The following RFX1 variants were observed in gnomAD, a reference collection of about 807,000 sequenced individuals.
RFX1 encodes regulatory factor X1.
A neutral mutation model predicts 119.6 loss-of-function variants in RFX1; 42 were observed. The observed-to-expected ratio is 0.35, with a 90% confidence interval of 0.27 to 0.45. RFX1 has a LOEUF of 0.45. RFX1 is among the 20% of genes least tolerant of loss of function. The pLI is 1.00. For synonymous variants in RFX1, 628 were observed against 618.5 expected (o/e 1.02, Z -0.23); for missense variants, 1,118 against 1,368.1 (o/e 0.82, Z 2.88).
chr19:13,965,543 G>A lies in RFX1; in HGVS notation c.2117C>T (p.Ala706Val). ...IPDVLRPIPS[A>V]LTQAIRNFAK... ...AAAGTTCCGGATCGCTTGGGTCAAG[G>A]CACCTGTGGGCGGTGGCGGGGGTCG... The change falls in exon 16 of 21, where the codon GCC becomes GTC. Residue 706 changes from alanine (A) to valine (V), a missense_variant. Physicochemically the swap from Ala to Val is moderately conservative, Grantham distance 64 (BLOSUM62 0). This residue lies in a region of RFX1 where 338 missense variants were observed against 508.9 expected (regional missense o/e 0.66). Coordinates refer to ENST00000254325, the MANE Select transcript of RFX1 (RefSeq NM_002918.5). The surrounding 1 kb of genome is among the most constrained non-coding windows in gnomAD (Gnocchi z 4.7). 6.2e-7 allele frequency: 1 copy of A among 1,613,582 alleles called. No homozygotes were observed.
In RFX1 at chr19:13,966,578, TC is replaced by T. The variant is rs1197726383; in HGVS notation, c.1852-49del. ...GGGAGGCTGGGGGGCAGCATGGCCCTCCCATGCCCGTGGCTGCGTCCCCGTC... is the reference window on the plus strand; with the variant it reads ...GGGAGGCTGGGGGGCAGCATGGCCCTCCATGCCCGTGGCTGCGTCCCCGTC... On this transcript the variant is annotated intron_variant, in intron 13 of 20. Coordinates refer to ENST00000254325, the MANE Select transcript of RFX1 (RefSeq NM_002918.5). This position sits in a 1 kb window ranked among gnomAD's most constrained non-coding sequence, Gnocchi z 6.3. 4 of 1,519,862 alleles carry T rather than the reference TC, an allele frequency of 2.6e-6. No homozygotes were observed. In the East Asian group the frequency reaches 6.9e-5, roughly 26 times the overall value. The allele number at this position is 1,519,862 out of a possible 1,614,324, so 94.1% of individuals were successfully genotyped here.
At chr19:13,989,207 C>T (rs887910420) in intron 2 of RFX1, among the ~76,000 whole-genome samples, 2 of 151,534 alleles carry the variant, frequency 1.3e-5, no homozygotes, top group Non-Finnish European at 2.9e-5. Context: ...CAGGACTGAG[C>T]CTGGCGGGTT....
intron 8 of RFX1, among the ~76,000 whole-genome samples, chr19:13,974,119 T>C (rs1974178233): frequency 6.6e-6 from 1 of 151,972 alleles, no homozygotes; most frequent in Non-Finnish European, 1.5e-5. Flanking sequence ...CGGAACCGTC[T>C]AGTTGGGGAG....
intron 2 of RFX1, among the ~76,000 whole-genome samples, chr19:13,988,249 A>T (rs1599505324): frequency 1.3e-5 from 2 of 151,440 alleles, no homozygotes; most frequent in Non-Finnish European, 2.9e-5. Flanking sequence ...CTGGTCTTGA[A>T]CTCCTGACCT....
intron 1 of RFX1, among the ~76,000 whole-genome samples, chr19:13,997,668 C>A (rs903745293): frequency 6.6e-6 from 1 of 152,232 alleles, no homozygotes; most frequent in Admixed American, 6.5e-5. Flanking sequence ...TTGCGGCAGG[C>A]TTGGGAGGGA....
rs752842717 is a variant in RFX1 at position 13,979,559 on chromosome 19, A to T, written c.739-17T>A. Reference sequence around the variant, plus strand: ...CACAGATCTCTGGGAGGGGAAAGGCAACAATAAGATGACCATGGCAACGAT... The same window carrying T: ...CACAGATCTCTGGGAGGGGAAAGGCTACAATAAGATGACCATGGCAACGAT... On this transcript the variant is annotated splice_polypyrimidine_tract_variant and intron_variant, in intron 6 of 20. Coordinates refer to ENST00000254325, the MANE Select transcript of RFX1 (RefSeq NM_002918.5). 1.9e-5 allele frequency: 30 copies of T among 1,563,686 alleles called. No individual in the cohort carries two copies. Among genetic ancestry groups the T allele is most frequent in the Non-Finnish European group, 2.4e-5 (28 of 1,149,314 alleles).
Position 13,969,749 on chromosome 19 carries a change from G to A in RFX1, c.1496+245C>T, listed in dbSNP as rs1974015101. On this transcript the variant is annotated intron_variant, in intron 10 of 20. Coordinates refer to ENST00000254325, the MANE Select transcript of RFX1 (RefSeq NM_002918.5). This position sits in a 1 kb window ranked among gnomAD's most constrained non-coding sequence, Gnocchi z 4.5. Reference sequence around the variant, plus strand: ...GGGGGTGTCGGGCAGGGGAGAGGGGGAGGCTGCAGTTTTAGTTGAGGCAGT... The same window carrying A: ...GGGGGTGTCGGGCAGGGGAGAGGGGAAGGCTGCAGTTTTAGTTGAGGCAGT... 1 of 448,454 alleles carries A rather than the reference G, an allele frequency of 2.2e-6. No individual in the cohort carries two copies. Among genetic ancestry groups the A allele is most frequent in the Non-Finnish European group, 3.9e-6 (1 of 253,838 alleles). The allele number at this position is 448,454 out of a possible 1,614,324, so 27.8% of individuals were successfully genotyped here.
chr19:13,969,826 C>A lies in RFX1; in HGVS notation c.1496+168G>T. Reference sequence around the variant, plus strand: ...GAGAAGCACATGAGGTGGAAGGCACCGCCAGTGCAAAGGCCTAGAGTGGGA... The same window carrying A: ...GAGAAGCACATGAGGTGGAAGGCACAGCCAGTGCAAAGGCCTAGAGTGGGA... On this transcript the variant is annotated intron_variant, in intron 10 of 20. Transcript: ENST00000254325. The surrounding 1 kb of genome is among the most constrained non-coding windows in gnomAD (Gnocchi z 4.5). 1 of 591,450 alleles carries A rather than the reference C, an allele frequency of 1.7e-6. No homozygotes were observed. Among genetic ancestry groups the A allele is most frequent in the Non-Finnish European group, 2.9e-6 (1 of 349,242 alleles). The allele number at this position is 591,450 out of a possible 1,614,324, so 36.6% of individuals were successfully genotyped here.
At chr19:14,005,539 T>A (rs1046179778) in intron 1 of RFX1, among the ~76,000 whole-genome samples, 7 of 152,216 alleles carry the variant, frequency 4.6e-5, no homozygotes, top group African/African-American at 1.7e-4. Flanking sequence ...ATGTCAATGA[T>A]TCTCCCCATT....
rs1489866539 is a variant in RFX1 at position 13,962,335 on chromosome 19, C to T, written c.*360G>A. The T allele has an allele frequency of 3.4e-5, 10 of 296,998 alleles. No homozygotes were observed. Among genetic ancestry groups the T allele is most frequent in the Middle Eastern group, 1.0e-3 (1 of 958 alleles). The allele number at this position is 296,998 out of a possible 1,614,324, so 18.4% of individuals were successfully genotyped here. ...AGCGAGCTGAATAAGTTAACAGTTT[C>T]GCACGGGAGGGGGCCTGCCTGCCTG... is the stretch of plus-strand genomic sequence containing the variant. On this transcript the variant is annotated 3_prime_UTR_variant, in exon 21 of 21. Coordinates refer to ENST00000254325, the MANE Select transcript of RFX1 (RefSeq NM_002918.5).
Position 13,963,197 on chromosome 19 carries a change from G to A in RFX1, c.2649C>T (p.Asp883=), listed in dbSNP as rs749285244. The change falls in exon 19 of 21, where the codon GAC becomes GAT. Residue 883 remains aspartate (D), a synonymous_variant. Transcript: ENST00000254325. ...GCTCGATCAGGTAGTACATGTACTC[G>A]TCGTAGAGCAGCCGGATGAGGTGGA... ...GSFHLIRLLY[D]EYMYYLIEHR... is the part of the protein sequence containing the mutation. 16 of 1,612,666 alleles carry A rather than the reference G, an allele frequency of 9.9e-6. No homozygotes were observed. The highest frequency in any genetic ancestry group is 5.3e-5 in the African/African-American group (4 of 74,892).
intron 1 of RFX1, among the ~76,000 whole-genome samples, chr19:13,994,889 CATACATAT>C (rs1974944658): frequency 1.6e-5 from 1 of 64,070 alleles, no homozygotes; most frequent in Non-Finnish European, 2.8e-5. Flanking sequence ...TTGAAATATA[CATACATAT>C]ATATATATAT....
chr19:13,973,401 CA>C (rs1046337885), intron 8 of RFX1, among the ~76,000 whole-genome samples: 17 of 152,196 alleles, frequency 1.1e-4, no homozygotes, highest in African/African-American at 3.9e-4. Flanking sequence ...CGTTGAAGGC[CA>C]GGAGTTCAAG....
Position 13,966,498 on chromosome 19 carries a change from G to A in RFX1, c.1884C>T (p.Phe628=), listed in dbSNP as rs1158032662. 1.3e-6 allele frequency: 2 copies of A among 1,588,252 alleles called. No individual in the cohort carries two copies. Among genetic ancestry groups the A allele is most frequent in the South Asian group, 1.1e-5 (1 of 88,810 alleles). Reference sequence around the variant, plus strand: ...TCTTCCACAGCGTCTCCACCAGGGTGAACTGCAGGTTCACCATGACGTCGA... The same window carrying A: ...TCTTCCACAGCGTCTCCACCAGGGTAAACTGCAGGTTCACCATGACGTCGA... ...AIVDVMVNLQ[F]TLVETLWKTF... The change falls in exon 14 of 21, where the codon TTC becomes TTT. Residue 628 remains phenylalanine, a synonymous_variant. Coordinates refer to ENST00000254325, the MANE Select transcript of RFX1 (RefSeq NM_002918.5). The surrounding 1 kb of genome is among the most constrained non-coding windows in gnomAD (Gnocchi z 6.3).
rs1376689595 is a variant in RFX1, at chr19:13,968,207, T to C, written c.1732+358A>G. Among the ~76,000 whole-genome samples, 3 of 152,074 alleles carry C rather than the reference T, an allele frequency of 2.0e-5. No homozygotes were observed. Among genetic ancestry groups the C allele is most frequent in the Non-Finnish European group, 4.4e-5 (3 of 68,002 alleles). On this transcript the variant is annotated intron_variant, in intron 12 of 20. Transcript: ENST00000254325. This position sits in a 1 kb window ranked among gnomAD's most constrained non-coding sequence, Gnocchi z 5.5. ...AGGCGGAGGTTGCAGTGAGCTAGGATGGTGCCACTGCACTCCAGCCTGGAC... is the reference window on the plus strand; with the variant it reads ...AGGCGGAGGTTGCAGTGAGCTAGGACGGTGCCACTGCACTCCAGCCTGGAC...
rs1339156191 is a variant in RFX1, at chr19:13,968,296, C to T, written c.1732+269G>A. Among the ~76,000 whole-genome samples, 2 of 152,092 alleles carry T rather than the reference C, an allele frequency of 1.3e-5. No homozygotes were observed. The highest frequency in any genetic ancestry group is 4.8e-5 in the African/African-American group (2 of 41,422). ...CAAAAATAAAGAAAATCTCAAGTAG[C>T]ATAAAGGGGATTCACTGGGAAGCTC... On this transcript the variant is annotated intron_variant, in intron 12 of 20. Transcript: ENST00000254325. This position sits in a 1 kb window ranked among gnomAD's most constrained non-coding sequence, Gnocchi z 5.5.
chr19:13,994,903 T>C (rs1341089444), intron 1 of RFX1, among the ~76,000 whole-genome samples: 1,413 of 72,810 alleles, frequency 0.019, 56 homozygotes, highest in African/African-American at 0.067. Flanking sequence ...CATATATATA[T>C]ATATATATAT....
In RFX1 at chr19:13,966,437, C is replaced by T; in HGVS notation, c.1945G>A (p.Ala649Thr). 1 of 1,609,620 alleles carries T rather than the reference C, an allele frequency of 6.2e-7. No homozygotes were observed. Among genetic ancestry groups the T allele is most frequent in the South Asian group, 1.1e-5 (1 of 90,960 alleles). Residue 649 changes from alanine to threonine, a missense_variant, in exon 14 of 21, where the codon GCG becomes ACG. Around this residue, in one of 5 missense-constraint regions of RFX1, gnomAD observed 338 missense variants for 508.9 expected, o/e 0.66. Transcript: ENST00000254325. The surrounding 1 kb of genome is among the most constrained non-coding windows in gnomAD (Gnocchi z 6.3). The part of the protein sequence containing the change: ...WRYNLSQPSE[A>T]PPLAVHDEAE... Reference sequence around the variant, plus strand: ...AGTACTCACACAGCCAGCGGTGGCGCCTCACTGGGCTGGCTGAGGTTGTAC... The same window carrying T: ...AGTACTCACACAGCCAGCGGTGGCGTCTCACTGGGCTGGCTGAGGTTGTAC...
At position 13,986,662 on chromosome 19, in the gene RFX1, C is replaced by T. The variant is rs1453578387; in HGVS notation, c.320-3067G>A. ...GCGCAGGAGGCCAGGGAGGCCCCCACTGTCTCAGGAAACGGCGGCCGATTT... is the reference window on the plus strand; with the variant it reads ...GCGCAGGAGGCCAGGGAGGCCCCCATTGTCTCAGGAAACGGCGGCCGATTT... On this transcript the variant is annotated intron_variant, in intron 2 of 20. Coordinates refer to ENST00000254325, the MANE Select transcript of RFX1 (RefSeq NM_002918.5). This position sits in a 1 kb window ranked among gnomAD's most constrained non-coding sequence, Gnocchi z 4.2. 2.0e-5 allele frequency among the ~76,000 whole-genome samples: 3 copies of T among 152,166 alleles called. No individual in the cohort carries two copies. The highest frequency in any genetic ancestry group is 4.4e-5 in the Non-Finnish European group (3 of 68,012).
Sources: gnomAD v4.1 joint callset for allele counts (sites outside exome capture counted in the v4.1 genomes callset) on GRCh38, gnomAD v4.1.1 for gene constraint, gnomAD v4.1.1 regional missense constraint, Gnocchi (gnomAD v3.1) non-coding constraint, MANE v1.5 for transcripts, NCBI Gene and HGNC (gene_info 2026-07-23, HGNC 2026-07-21) for gene names.